The following PREPL variants were observed in gnomAD, a reference collection of about 807,000 sequenced individuals.
PREPL encodes prolyl endopeptidase-like.
Under a neutral mutation model 70.6 loss-of-function variants are expected in PREPL, and 77 were observed. The observed-to-expected ratio is 1.09, with a 90% CI of 0.91 to 1.32. The LOEUF (loss-of-function observed/expected upper bound fraction) is 1.32. Ranked by LOEUF, PREPL falls within the 40% of genes most tolerant of loss-of-function variation. The pLI, the probability that PREPL is intolerant of heterozygous loss-of-function variation, is 0.00. For synonymous variants in PREPL, 315 were observed against 264.8 expected, an observed-to-expected ratio of 1.19 and a Z score of -1.84; for missense variants, 1,002 against 778.2, an observed-to-expected ratio of 1.29 and a Z score of -3.42.
intron 7 of PREPL, among the ~76,000 whole-genome samples, chr2:44,333,364 T>TA (rs1412923224): frequency 6.6e-6 from 1 of 152,176 alleles, no homozygotes; most frequent in Non-Finnish European, 1.5e-5. Flanking sequence ...ACATCCCTCT[T>TA]ACACCTTTTA....
At chr2:44,339,951 A>T (rs1056623248) in intron 5 of PREPL, among the ~76,000 whole-genome samples, 1 of 152,180 alleles carries the variant, frequency 6.6e-6, no homozygotes, top group African/African-American at 2.4e-5. Context: ...AACGTAACAC[A>T]TTTAAAACAT....
At chr2:44,356,388 C>G (rs1306525222) in intron 1 of PREPL, 1 of 151,920 alleles carries the variant, frequency 6.6e-6, no homozygotes, top group Non-Finnish European at 1.5e-5. Context: ...CTAAAAAATA[C>G]AAAAAAATTT....
Position 44,323,453 on chromosome 2 carries a change from T to C in PREPL, c.1480-42A>G, listed in dbSNP as rs765154877. ...GAAACTTATACTTCAAGTAAGAGGTTGGTAAGTGAGTTTCAGAAAAACATT... is the reference window on the plus strand; with the variant it reads ...GAAACTTATACTTCAAGTAAGAGGTCGGTAAGTGAGTTTCAGAAAAACATT... On this transcript the variant is annotated intron_variant, in intron 10 of 13. Transcript: ENST00000409411. 10 of 1,489,482 alleles carry C rather than the reference T, an allele frequency of 6.7e-6. No individual in the cohort carries two copies. In the East Asian group the frequency reaches 2.1e-4, roughly 31 times the overall value. 92.3% of individuals were successfully genotyped at this position (1,489,482 alleles called of 1,614,324 possible).
chr2:44,321,653 G>T, intron 13 of PREPL, 174 bp downstream of exon 13: 1 of 1,519,734 alleles, frequency 6.6e-7, no homozygotes, highest in Non-Finnish European at 8.8e-7. Context: ...AAGTACAAGA[G>T]AGAGACATTT....
At chr2:44,350,784 G>A (rs902761136) in intron 1 of PREPL, among the ~76,000 whole-genome samples, 3 of 152,172 alleles carry the variant, frequency 2.0e-5, no homozygotes, top group African/African-American at 7.2e-5. Flanking sequence ...AAGTGCAAAA[G>A]TTAATGTTCA....
intron 1 of PREPL, among the ~76,000 whole-genome samples, chr2:44,351,023 A>G (rs531761188): frequency 1.3e-5 from 2 of 150,928 alleles, no homozygotes; most frequent in Non-Finnish European, 2.9e-5. Flanking sequence ...CCTGGGTTCA[A>G]GCGATTCTCC....
chr2:44,357,771 TGCA>T (rs1474380057), intron 1 of PREPL, among the ~76,000 whole-genome samples: 1 of 152,102 alleles, frequency 6.6e-6, no homozygotes, highest in African/African-American at 2.4e-5. Context: ...CTAAACACAA[TGCA>T]AAATAAAATA....
chr2:44,326,983 C>T (rs1673570813), intron 9 of PREPL, 55 bp from the exon 10 acceptor site: 1 of 1,469,052 alleles, frequency 6.8e-7, no homozygotes, highest in Admixed American at 1.9e-5. Context: ...ATACTGTAGG[C>T]TGGGGTCAGC....
chr2:44,359,279 G>A (rs1281611543), intron 1 of PREPL, among the ~76,000 whole-genome samples: 1 of 151,764 alleles, frequency 6.6e-6, no homozygotes, highest in East Asian at 1.9e-4. Flanking sequence ...TGTTGGCCAG[G>A]CTGGTCTCGA....
At chr2:44,336,725 T>C (rs1674682371) in intron 7 of PREPL, among the ~76,000 whole-genome samples, 1 of 152,066 alleles carries the variant, frequency 6.6e-6, no homozygotes, top group African/African-American at 2.4e-5. Flanking sequence ...TATTAAAATT[T>C]TTAAAATTAG....
In PREPL at chr2:44,342,510, G is replaced by A. The variant is rs1203454447; in HGVS notation, c.392C>T (p.Thr131Ile). ...ATGACAGCGAAGGTTCCTCTGGAAGGTGTAGAATAAAACATCTTCATCTTC... is the reference window on the plus strand; with the variant it reads ...ATGACAGCGAAGGTTCCTCTGGAAGATGTAGAATAAAACATCTTCATCTTC... ...DEEDEDVLFY[T>I]FQRNLRCHDV... The change falls in exon 5 of 14, where the codon ACC (threonine) becomes ATC (isoleucine). Residue 131 changes from threonine (T) to isoleucine (I), a missense_variant. By Grantham distance (89) the Thr-to-Ile change is moderately conservative. Transcript: ENST00000409411. The A allele has an allele frequency of 1.9e-6, 3 of 1,611,112 alleles. No individual in the cohort carries two copies. Among genetic ancestry groups the A allele is most frequent in the African/African-American group, 2.7e-5 (2 of 74,608 alleles).
chr2:44,337,097 T>A (rs1674713811), intron 7 of PREPL, among the ~76,000 whole-genome samples: 1 of 152,178 alleles, frequency 6.6e-6, no homozygotes, highest in Admixed American at 6.5e-5. Context: ...AAATCATGAC[T>A]TCATCCCCCA....
chr2:44,361,159 T>C (rs1572604995), intron 1 of PREPL, among the ~76,000 whole-genome samples: 1 of 151,828 alleles, frequency 6.6e-6, no homozygotes. Context: ...GGGGGTGGGG[T>C]AGATAAATGG....
At chr2:44,353,346 G>A (rs1487781874) in intron 1 of PREPL, among the ~76,000 whole-genome samples, 1 of 151,958 alleles carries the variant, frequency 6.6e-6, no homozygotes, top group African/African-American at 2.4e-5. Context: ...CACTTTGGGA[G>A]GCCAAGTTGG....
chr2:44,354,776 C>T (rs764389846), intron 1 of PREPL, among the ~76,000 whole-genome samples: 1 of 152,190 alleles, frequency 6.6e-6, no homozygotes, highest in African/African-American at 2.4e-5. Context: ...GGGGTTCTGC[C>T]ATGTTGGTCA....
intron 7 of PREPL, among the ~76,000 whole-genome samples, chr2:44,334,980 G>T (rs1674490515): frequency 6.6e-6 from 1 of 152,132 alleles, no homozygotes; most frequent in Non-Finnish European, 1.5e-5. Context: ...TGTATGGATG[G>T]CACTGTCTAT....
intron 1 of PREPL, among the ~76,000 whole-genome samples, chr2:44,357,481 T>C (rs1360051499): frequency 2.0e-5 from 3 of 152,220 alleles, no homozygotes; most frequent in African/African-American, 7.2e-5. Flanking sequence ...ATAGAGGGAA[T>C]GGTTGATACA....
chr2:44,343,558 C>G (rs1426850588), intron 4 of PREPL, among the ~76,000 whole-genome samples, 187 bp downstream of exon 4: 1 of 152,046 alleles, frequency 6.6e-6, no homozygotes, highest in African/African-American at 2.4e-5. Context: ...TTTAAAATTA[C>G]CCATCTAGAT....
In PREPL at chr2:44,326,894, C is replaced by G; in HGVS notation, c.1297G>C (p.Asp433His). The G allele has an allele frequency of 6.2e-7, 1 of 1,614,140 alleles. No homozygotes were observed. The highest frequency in any genetic ancestry group is 1.3e-5 in the African/African-American group (1 of 75,038). The change falls in exon 10 of 14, where the codon GAT (aspartate) becomes CAT (histidine). Residue 433 changes from aspartate to histidine, a missense_variant. Transcript: ENST00000409411. Reference sequence around the variant, plus strand: ...TTGAGTTTTTTAGTTAGGCGGCCATCAGCGTGCCACTGGAGGCCTAACTCA... The same window carrying G: ...TTGAGTTTTTTAGTTAGGCGGCCATGAGCGTGCCACTGGAGGCCTAACTCA... The part of the protein sequence containing the change: ...GGELGLQWHA[D>H]GRLTKKLNGL...
Sources: gnomAD v4.1 joint callset for allele counts (sites outside exome capture counted in the v4.1 genomes callset) on GRCh38, gnomAD v4.1.1 for gene constraint, MANE v1.5 for transcripts, NCBI Gene and HGNC (gene_info 2026-07-23, HGNC 2026-07-21) for gene names.